The following WDR20 variants were observed in gnomAD, a reference collection of about 807,000 sequenced individuals.
WDR20 encodes WD repeat domain 20, also known as WD repeat-containing protein 20.
In WDR20, 3 loss-of-function variants were observed where a neutral mutation model predicts 38.7. The ratio of observed to expected loss-of-function variants is 0.08; its 90% CI spans 0.04 to 0.20. WDR20 has a LOEUF of 0.20. Among genes scored for constraint, WDR20 ranks in the 10% least tolerant of loss-of-function variants. WDR20 has a pLI of 1.00. For missense variants in WDR20, 559 were observed against 727.7 expected (o/e 0.77, Z 2.67); for synonymous variants, 298 against 285.6 (o/e 1.04, Z -0.44).
chr14:102,161,836 T>G (rs1355109677), intron 1 of WDR20, among the ~76,000 whole-genome samples: 1 of 152,180 alleles, frequency 6.6e-6, no homozygotes, highest in East Asian at 1.9e-4. Flanking sequence ...AGGATGAGAA[T>G]GAACAGCTCT....
At chr14:102,213,933 A>C (rs1391139330), downstream of WDR20, 1 of 985,348 alleles carries the variant, frequency 1.0e-6, no homozygotes, top group Non-Finnish European at 1.2e-6. Flanking sequence ...GCAGTTCACC[A>C]GTGGATTTTC....
intron 1 of WDR20, among the ~76,000 whole-genome samples, chr14:102,150,375 G>A (rs531033651): frequency 1.2e-3 from 180 of 152,140 alleles, no homozygotes; most frequent in Non-Finnish European, 2.3e-3. Context: ...TCGGGGCCGA[G>A]GTAAGAGGAT....
At position 102,180,393 on chromosome 14, in the gene WDR20, C is replaced by G. The variant is rs1451151972; in HGVS notation, c.250-14545C>G. ...GCTCCAGAGTCTCTGCTCTTAACCA[C>G]TCTTTAGAGTGTCTTGCACGTTTTC... On this transcript the variant is annotated intron_variant, in intron 1 of 2. Transcript: ENST00000342702. Among the ~76,000 whole-genome samples the G allele has an allele frequency of 5.3e-5, 8 of 152,306 alleles. No individual in the cohort carries two copies. In the East Asian group the frequency reaches 1.3e-3, roughly 26 times the overall value.
Position 102,208,922 on chromosome 14 carries a change from C to T in WDR20, c.752C>T (p.Ser251Leu), listed in dbSNP as rs1171587735. 6.2e-6 allele frequency: 10 copies of T among 1,614,078 alleles called. No individual in the cohort carries two copies. Among genetic ancestry groups the T allele is most frequent in the Admixed American group, 3.3e-5 (2 of 60,006 alleles). ...TTTCTGCGGGTGTTCAACTTTGACTCAGTGGAGCTGCACGGTACGATGAAA... is the reference window on the plus strand; with the variant it reads ...TTTCTGCGGGTGTTCAACTTTGACTTAGTGGAGCTGCACGGTACGATGAAA... ...DGFLRVFNFDSVELHGTMKSY... is the reference protein window; with the variant it reads ...DGFLRVFNFDLVELHGTMKSY... The change falls in exon 3 of 3, where the codon TCA becomes TTA. Residue 251 changes from serine to leucine, a missense_variant. By Grantham distance (145) the Ser-to-Leu change is moderately radical. Transcript: ENST00000342702. The surrounding 1 kb of genome is among the most constrained non-coding windows in gnomAD (Gnocchi z 5.6).
intron 1 of WDR20, among the ~76,000 whole-genome samples, chr14:102,170,700 G>A (rs2060625571): frequency 6.6e-6 from 1 of 151,646 alleles, no homozygotes; most frequent in African/African-American, 2.4e-5. Flanking sequence ...TTTTAGAGAT[G>A]GGATCTCACT....
chr14:102,165,658 A>G (rs1365032281), intron 1 of WDR20, among the ~76,000 whole-genome samples: 4 of 132,530 alleles, frequency 3.0e-5, no homozygotes, highest in African/African-American at 1.1e-4. Context: ...TTTTTTGGAG[A>G]CAGGGTCTCA....
At chr14:102,182,832 G>C (rs542984776) in intron 1 of WDR20, among the ~76,000 whole-genome samples, 1 of 152,072 alleles carries the variant, frequency 6.6e-6, no homozygotes, top group South Asian at 2.1e-4. Flanking sequence ...TTGCAAATAT[G>C]TACATGTAAA....
intron 1 of WDR20, among the ~76,000 whole-genome samples, chr14:102,147,455 C>T (rs945886178): frequency 2.6e-5 from 4 of 152,198 alleles, no homozygotes; most frequent in Non-Finnish European, 5.9e-5. Context: ...CATGGAAGTC[C>T]GTGAGATAGT....
At chr14:102,163,331 T>C (rs573821611) in intron 1 of WDR20, among the ~76,000 whole-genome samples, 29 of 152,180 alleles carry the variant, frequency 1.9e-4, no homozygotes, top group Admixed American at 1.8e-3. Context: ...AACTTGTTTA[T>C]AAATTACTCA....
At chr14:102,189,043 C>T (rs1168945865) in intron 1 of WDR20, among the ~76,000 whole-genome samples, 1 of 150,628 alleles carries the variant, frequency 6.6e-6, no homozygotes. Flanking sequence ...AACCCCGTCT[C>T]TACAAAAAAT....
chr14:102,186,590 C>T (rs1172604266), intron 1 of WDR20, among the ~76,000 whole-genome samples: 2 of 152,050 alleles, frequency 1.3e-5, no homozygotes, highest in African/African-American at 2.4e-5. Context: ...GGTCCAGCCC[C>T]AGGCCCTGGA....
chr14:102,197,876 G>A (rs1311237422), intron 2 of WDR20: 1 of 694,676 alleles, frequency 1.4e-6, no homozygotes, highest in South Asian at 1.5e-5. Flanking sequence ...AACTAGAGTT[G>A]CGGCCATTGT....
downstream of WDR20, chr14:102,215,127 G>T (rs569596817): frequency 1.4e-4 from 61 of 421,210 alleles, no homozygotes; most frequent in African/African-American, 1.3e-3. Context: ...AGAACAGCCA[G>T]CCACCGGAAT....
chr14:102,188,290 A>G (rs541339481), intron 1 of WDR20, among the ~76,000 whole-genome samples: 7 of 152,194 alleles, frequency 4.6e-5, no homozygotes, highest in Admixed American at 2.0e-4. Flanking sequence ...AAAGCCCCCT[A>G]CTGAGGCCCA....
chr14:102,165,728 C>T (rs914227148), intron 1 of WDR20, among the ~76,000 whole-genome samples: 1 of 151,120 alleles, frequency 6.6e-6, no homozygotes, highest in African/African-American at 2.4e-5. Context: ...CCTTGACCTC[C>T]CAGGCTCAGG....
intron 2 of WDR20, among the ~76,000 whole-genome samples, chr14:102,201,545 G>A (rs1410628728): frequency 2.0e-5 from 3 of 152,038 alleles, no homozygotes; most frequent in South Asian, 2.1e-4. Context: ...TTCGCTGTTC[G>A]TGGGATTTTT....
At position 102,149,261 on chromosome 14, in the gene WDR20, G is replaced by A. The variant is rs2054861747; in HGVS notation, c.249+9089G>A. On this transcript the variant is annotated intron_variant, in intron 1 of 2. Coordinates refer to ENST00000342702, the MANE Select transcript of WDR20 (RefSeq NM_144574.4). Reference sequence around the variant, plus strand: ...GCCTAGTCTGACCTTGAACTCCTGGGCTCAAGTGATGCTTTTGCCTTGTGC... The same window carrying A: ...GCCTAGTCTGACCTTGAACTCCTGGACTCAAGTGATGCTTTTGCCTTGTGC... Among the ~76,000 whole-genome samples the A allele has an allele frequency of 2.6e-5, 4 of 152,130 alleles. No homozygotes were observed. The South Asian group carries it at 8.3e-4, about 32-fold the overall frequency.
Position 102,208,770 on chromosome 14 carries a change from C to G in WDR20, c.600C>G (p.Ala200=). 1 of 1,614,232 alleles carries G rather than the reference C, an allele frequency of 6.2e-7. No individual in the cohort carries two copies. Among genetic ancestry groups the G allele is most frequent in the Non-Finnish European group, 8.5e-7 (1 of 1,180,038 alleles). ...YQLLKQGESF[A]VHTCKSKSTR... ...TTCTGAAGCAGGGAGAGAGCTTTGC[C>G]GTGCACACTTGCAAGAGCAAATCCA... The change falls in exon 3 of 3, where the codon GCC becomes GCG. Residue 200 remains alanine, a synonymous_variant. Coordinates refer to ENST00000342702, the MANE Select transcript of WDR20 (RefSeq NM_144574.4). This position sits in a 1 kb window ranked among gnomAD's most constrained non-coding sequence, Gnocchi z 5.6.
intron 1 of WDR20, among the ~76,000 whole-genome samples, chr14:102,146,729 C>G (rs2053775773): frequency 6.6e-6 from 1 of 152,114 alleles, no homozygotes; most frequent in Non-Finnish European, 1.5e-5. Context: ...AAATTTCCCC[C>G]CCACAGACTT....
Sources: gnomAD v4.1 joint callset for allele counts (sites outside exome capture counted in the v4.1 genomes callset) on GRCh38, gnomAD v4.1.1 for gene constraint, Gnocchi (gnomAD v3.1) non-coding constraint, MANE v1.5 for transcripts, NCBI Gene and HGNC (gene_info 2026-07-23, HGNC 2026-07-21) for gene names.